The following HELZ variants were observed in gnomAD, a reference collection of about 807,000 sequenced individuals.
HELZ encodes helicase with zinc finger.
Under a neutral mutation model 218.2 loss-of-function variants are expected in HELZ, and 23 were observed. That is an observed-to-expected ratio of 0.11 (90% confidence interval 0.08 to 0.15). The LOEUF (loss-of-function observed/expected upper bound fraction) is 0.15. Among genes scored for constraint, HELZ ranks in the 10% least tolerant of loss-of-function variants. HELZ has a pLI of 1.00. For synonymous variants in HELZ, 814 were observed against 829.4 expected (o/e 0.98, Z 0.32); for missense variants, 1,813 against 2,353.7 (o/e 0.77, Z 4.75).
At chr17:67,230,380 G>A (rs2041004309) in intron 3 of HELZ, among the ~76,000 whole-genome samples, 1 of 152,116 alleles carries the variant, frequency 6.6e-6, no homozygotes, top group African/African-American at 2.4e-5. Flanking sequence ...GGCGGATCAC[G>A]AGGTCAAGAG....
At chr17:67,199,951 G>C (rs2040127058) in intron 7 of HELZ, among the ~76,000 whole-genome samples, 1 of 152,126 alleles carries the variant, frequency 6.6e-6, no homozygotes, top group Non-Finnish European at 1.5e-5. Context: ...TTTTCCAGCA[G>C]AAGAGTTCAT....
At chr17:67,217,876 A>G (rs181543869) in intron 4 of HELZ, among the ~76,000 whole-genome samples, 2 of 150,046 alleles carry the variant, frequency 1.3e-5, no homozygotes, top group East Asian at 2.0e-4. Flanking sequence ...TCATGCGGTT[A>G]CTACCTTTTA....
intron 24 of HELZ, among the ~76,000 whole-genome samples, chr17:67,125,240 G>T (rs1455268351): frequency 2.3e-5 from 3 of 131,882 alleles, no homozygotes; most frequent in Non-Finnish European, 3.2e-5. Flanking sequence ...ATCATAGTTG[G>T]TCCATTAACC....
chr17:67,117,871 GA>G (rs1048970877), intron 27 of HELZ, among the ~76,000 whole-genome samples: 2 of 149,316 alleles, frequency 1.3e-5, no homozygotes, highest in African/African-American at 4.9e-5. Context: ...TTTTAATGCT[GA>G]AAAAAAAATA....
rs1376574086 is a variant in HELZ at position 67,074,058 on chromosome 17, G to A, written c.*4194C>T. 3 of 152,204 alleles carry A rather than the reference G, an allele frequency of 2.0e-5. No homozygotes were observed. Among genetic ancestry groups the A allele is most frequent in the East Asian group, 1.9e-4 (1 of 5,182 alleles). The allele number at this position is 152,204 out of a possible 1,614,324, so 9.4% of individuals were successfully genotyped here. ...TACCTATTCTTTCTAATTTCTAGGC[G>A]GTTTGAATGTGGATCAGATGGCAAA... On this transcript the variant is annotated 3_prime_UTR_variant, in exon 33 of 33. Transcript: ENST00000358691.
intron 3 of HELZ, among the ~76,000 whole-genome samples, chr17:67,227,471 G>A (rs1174043497): frequency 2.0e-5 from 3 of 152,134 alleles, no homozygotes; most frequent in African/African-American, 7.2e-5. Context: ...ACAGGTGTGA[G>A]CCACCACACC....
rs762810694 is a variant in HELZ at position 67,167,634 on chromosome 17, G to A, written c.1593C>T (p.Val531=). 22 of 1,614,110 alleles carry A rather than the reference G, an allele frequency of 1.4e-5. No individual in the cohort carries two copies. In the Admixed American group the frequency reaches 3.3e-4, roughly 24 times the overall value. The change falls in exon 14 of 33, where the codon GTC becomes GTT. Residue 531 remains valine, a synonymous_variant. Transcript: ENST00000358691. ...GGACTGGTAATAAATAAACAGCATT[G>A]ACTTTGGTCATCACCAGTCGTCCAG... The part of the protein sequence containing the change: ...TLAGRLVMTK[V]NAVYLLPVPK...
intron 32 of HELZ, among the ~76,000 whole-genome samples, chr17:67,082,944 C>T (rs2143550325): frequency 6.7e-6 from 1 of 150,292 alleles, no homozygotes; most frequent in South Asian, 2.1e-4. Flanking sequence ...GCCACCACCA[C>T]CTCCTGGGTT....
chr17:67,122,468 C>G (rs991309229), intron 26 of HELZ, among the ~76,000 whole-genome samples: 1 of 152,072 alleles, frequency 6.6e-6, no homozygotes, highest in African/African-American at 2.4e-5. Context: ...ATGGCGTGAA[C>G]CTGGGAGGCG....
At chr17:67,129,334 GTA>G (rs148650800) in intron 23 of HELZ, among the ~76,000 whole-genome samples, 71 of 151,752 alleles carry the variant, frequency 4.7e-4, no homozygotes, top group African/African-American at 1.4e-3. Context: ...ATACACGCAT[GTA>G]TATGTGTATA....
At chr17:67,136,593 A>G (rs549247132) in intron 22 of HELZ, among the ~76,000 whole-genome samples, 3 of 152,390 alleles carry the variant, frequency 2.0e-5, no homozygotes, top group African/African-American at 7.2e-5. Flanking sequence ...TGGCATATAC[A>G]TACAATAGAT....
At chr17:67,238,447 C>T (rs1286518097) in intron 3 of HELZ, among the ~76,000 whole-genome samples, 4 of 151,614 alleles carry the variant, frequency 2.6e-5, no homozygotes, top group Non-Finnish European at 4.4e-5. Context: ...TTTGGGAGGC[C>T]GAAGCGAGTG....
At chr17:67,202,926 C>A (rs1322692146) in intron 6 of HELZ, among the ~76,000 whole-genome samples, 1 of 152,028 alleles carries the variant, frequency 6.6e-6, no homozygotes, top group African/African-American at 2.4e-5. Context: ...GAGTTCAAGA[C>A]CAGCCTGGGC....
chr17:67,081,262 A>C (rs1006908013), intron 32 of HELZ, among the ~76,000 whole-genome samples: 5 of 152,180 alleles, frequency 3.3e-5, no homozygotes. Context: ...AAAGAAAAAT[A>C]AGTTTCTATC....
At chr17:67,240,373 GACAGAAGAAGA>G (rs1162841998) in intron 2 of HELZ, among the ~76,000 whole-genome samples, 2 of 152,290 alleles carry the variant, frequency 1.3e-5, no homozygotes, top group East Asian at 3.9e-4. Context: ...CAGGACTAGA[GACAGAAGAAGA>G]ACAGAGGCTT....
intron 28 of HELZ, among the ~76,000 whole-genome samples, chr17:67,110,655 C>G (rs996243007): frequency 6.6e-6 from 1 of 152,166 alleles, no homozygotes; most frequent in Non-Finnish European, 1.5e-5. Context: ...ACCATGCCCC[C>G]ACTCCAATGC....
intron 15 of HELZ, among the ~76,000 whole-genome samples, chr17:67,162,639 C>T (rs1249717447): frequency 6.6e-6 from 1 of 152,094 alleles, no homozygotes; most frequent in Non-Finnish European, 1.5e-5. Flanking sequence ...GCCTCCTTTG[C>T]TACAGACCCA....
chr17:67,211,664 C>T (rs1292482261), intron 5 of HELZ, among the ~76,000 whole-genome samples: 3 of 152,144 alleles, frequency 2.0e-5, no homozygotes, highest in Admixed American at 6.5e-5. Flanking sequence ...AGTTTGAGAC[C>T]AGCCTGGCCA....
chr17:67,085,583 A>G (rs961410765), intron 32 of HELZ, among the ~76,000 whole-genome samples: 1 of 151,942 alleles, frequency 6.6e-6, no homozygotes, highest in African/African-American at 2.4e-5. Context: ...TACCATGTCT[A>G]TTGTTCTAAA....
Sources: gnomAD v4.1 joint callset for allele counts (sites outside exome capture counted in the v4.1 genomes callset) on GRCh38, gnomAD v4.1.1 for gene constraint, MANE v1.5 for transcripts, NCBI Gene and HGNC (gene_info 2026-07-23, HGNC 2026-07-21) for gene names.